TMEM178B: variants seen among roughly 807,000 people sequenced by gnomAD.
TMEM178B encodes transmembrane protein 178B.
Under a neutral mutation model 31.0 loss-of-function variants are expected in TMEM178B, and 5 were observed. The ratio of observed to expected loss-of-function variants is 0.16; its 90% CI spans 0.08 to 0.34. The LOEUF (loss-of-function observed/expected upper bound fraction) is 0.34. Among genes scored for constraint, TMEM178B ranks in the 10% least tolerant of loss-of-function variants. TMEM178B has a pLI of 1.00. For missense variants in TMEM178B, 275 were observed against 400.3 expected, an observed-to-expected ratio of 0.69 and a Z score of 2.67; for synonymous variants, 164 against 164.0, an observed-to-expected ratio of 1.00 and a Z score of 0.00.
chr7:141,376,137 G>C (rs540160128), intron 2 of TMEM178B, among the ~76,000 whole-genome samples: 1 of 152,198 alleles, frequency 6.6e-6, no homozygotes, highest in Non-Finnish European at 1.5e-5. Context: ...CAGACTTCCT[G>C]TCCTTTCTGT....
At chr7:141,459,914 C>G (rs1318546898) in intron 3 of TMEM178B, among the ~76,000 whole-genome samples, 2 of 138,506 alleles carry the variant, frequency 1.4e-5, no homozygotes, top group Non-Finnish European at 3.1e-5. Flanking sequence ...TGGGAGTGAG[C>G]ATAATTACCT....
chr7:141,427,160 C>G (rs1801333646), intron 2 of TMEM178B, among the ~76,000 whole-genome samples: 1 of 152,154 alleles, frequency 6.6e-6, no homozygotes, highest in South Asian at 2.1e-4. Context: ...GAATTCAGTG[C>G]AATCCCCTAT....
At chr7:141,225,015 C>T (rs1797318029) in intron 2 of TMEM178B, among the ~76,000 whole-genome samples, 1 of 152,192 alleles carries the variant, frequency 6.6e-6, no homozygotes, top group African/African-American at 2.4e-5. Context: ...GCAAGTCTTT[C>T]CTTGCAGGGA....
chr7:141,408,538 T>A (rs1217389037), intron 2 of TMEM178B, among the ~76,000 whole-genome samples: 2 of 152,148 alleles, frequency 1.3e-5, no homozygotes, highest in East Asian at 1.9e-4. Flanking sequence ...AGAATCACTG[T>A]ATTAGAGGCT....
intron 2 of TMEM178B, among the ~76,000 whole-genome samples, chr7:141,250,347 C>T (rs1201406595): frequency 6.6e-6 from 1 of 152,178 alleles, no homozygotes; most frequent in Non-Finnish European, 1.5e-5. Context: ...AATTGAAGTG[C>T]AGAGAGCTTA....
At chr7:141,165,931 A>AG (rs1796253299) in intron 1 of TMEM178B, among the ~76,000 whole-genome samples, 1 of 152,206 alleles carries the variant, frequency 6.6e-6, no homozygotes. Flanking sequence ...GCACATAGTG[A>AG]GGGACTGTCC....
chr7:141,488,541 G>A, the TMEM178B span, among the ~76,000 whole-genome samples: 2 of 152,110 alleles, frequency 1.3e-5, no homozygotes, highest in Non-Finnish European at 2.9e-5. Context: ...CCGGGTTCAA[G>A]TGATTCTCCT....
intron 2 of TMEM178B, among the ~76,000 whole-genome samples, chr7:141,295,239 G>A (rs1798611503): frequency 1.3e-5 from 2 of 152,194 alleles, no homozygotes. Context: ...GGCTATGAGG[G>A]AGATGGGGGT....
In TMEM178B at chr7:141,092,306, T is replaced by G. The variant is rs528492543; in HGVS notation, c.382+17614T>G. On this transcript the variant is annotated intron_variant, in intron 1 of 3. Transcript: ENST00000565468. Reference sequence around the variant, plus strand: ...CTAGGAAAAGTAAACGCCCTGGAAATAAAGTGATATAGATGGAAGTGGAGG... The same window carrying G: ...CTAGGAAAAGTAAACGCCCTGGAAAGAAAGTGATATAGATGGAAGTGGAGG... Among the ~76,000 whole-genome samples, 4 of 152,072 alleles carry G rather than the reference T, an allele frequency of 2.6e-5. No individual in the cohort carries two copies. In the East Asian group the frequency reaches 5.8e-4, roughly 22 times the overall value.
At chr7:141,342,843 G>A (rs974734021) in intron 2 of TMEM178B, among the ~76,000 whole-genome samples, 2 of 152,098 alleles carry the variant, frequency 1.3e-5, no homozygotes, top group East Asian at 1.9e-4. Context: ...GCCCACTGTC[G>A]GTAGGTTCTT....
At position 141,204,497 on chromosome 7, in the gene TMEM178B, C is replaced by T. The variant is rs560881114; in HGVS notation, c.383-8094C>T. ...CAGGAGCGTCCACTGCAGCTTCAGC[C>T]GGAATCGGAGGTGAACGGAGGGGAT... On this transcript the variant is annotated intron_variant, in intron 1 of 3. Coordinates refer to ENST00000565468, the MANE Select transcript of TMEM178B (RefSeq NM_001195278.2). Among the ~76,000 whole-genome samples the T allele has an allele frequency of 7.4e-4, 113 of 152,182 alleles. 4 individuals are homozygous for T. Among genetic ancestry groups the T allele is most frequent in the Non-Finnish European group, 4.4e-4 (30 of 68,016 alleles).
chr7:141,131,323 T>G (rs1795591241), intron 1 of TMEM178B, among the ~76,000 whole-genome samples: 1 of 151,694 alleles, frequency 6.6e-6, no homozygotes, highest in East Asian at 1.9e-4. Flanking sequence ...GCAGCTTAAT[T>G]TTTTTTTAAA....
At chr7:141,358,774 G>T (rs879530729) in intron 2 of TMEM178B, among the ~76,000 whole-genome samples, 1 of 152,020 alleles carries the variant, frequency 6.6e-6, no homozygotes, top group Non-Finnish European at 1.5e-5. Flanking sequence ...ATGATGTTTA[G>T]ATTTTATAAC....
chr7:141,421,701 A>T (rs1319796263), intron 2 of TMEM178B, among the ~76,000 whole-genome samples: 1 of 152,234 alleles, frequency 6.6e-6, no homozygotes, highest in Non-Finnish European at 1.5e-5. Flanking sequence ...TGCCTAGCAC[A>T]TCAGAAATCC....
At chr7:141,360,645 G>A (rs551111404) in intron 2 of TMEM178B, among the ~76,000 whole-genome samples, 51 of 152,288 alleles carry the variant, frequency 3.3e-4, no homozygotes, top group Admixed American at 2.2e-3. Flanking sequence ...AACTCTGTAG[G>A]AATCCATTTC....
At chr7:141,273,594 G>A (rs577499423) in intron 2 of TMEM178B, among the ~76,000 whole-genome samples, 1 of 152,166 alleles carries the variant, frequency 6.6e-6, no homozygotes, top group Non-Finnish European at 1.5e-5. Context: ...ACAACGAATA[G>A]AATAGTGATT....
chr7:141,223,231 CG>C (rs539933082), intron 2 of TMEM178B, among the ~76,000 whole-genome samples: 323 of 152,152 alleles, frequency 2.1e-3, no homozygotes, highest in Middle Eastern at 6.8e-3. Context: ...ATAAGAGCTG[CG>C]GTTAGGGTGG....
downstream of TMEM178B, among the ~76,000 whole-genome samples, chr7:141,483,464 G>A (rs1802510598): frequency 6.6e-6 from 1 of 152,196 alleles, no homozygotes; most frequent in South Asian, 2.1e-4. Context: ...ACAGGGGGAT[G>A]AGGGTGGAAA....
At chr7:141,235,808 G>C (rs1398344530) in intron 2 of TMEM178B, among the ~76,000 whole-genome samples, 3 of 152,170 alleles carry the variant, frequency 2.0e-5, no homozygotes, top group African/African-American at 7.2e-5. Context: ...GAAATTGCCA[G>C]GGCCTCGGAT....
Sources: allele counts gnomAD v4.1 joint callset (sites outside exome capture counted in the v4.1 genomes callset), GRCh38; gene constraint gnomAD v4.1.1; transcripts MANE v1.5; gene names NCBI Gene and HGNC (gene_info 2026-07-23, HGNC 2026-07-21).